The following ZFP37 variants were observed in gnomAD, a reference collection of about 807,000 sequenced individuals.
The protein encoded by ZFP37 is zinc finger protein 37 homolog.
ZFP37 carries 38 observed loss-of-function variants against 52.1 expected under a neutral mutation model. That is an observed-to-expected ratio of 0.73 (90% confidence interval 0.56 to 0.96). The LOEUF (loss-of-function observed/expected upper bound fraction) is 0.96. ZFP37 is among the 40% of genes least tolerant of loss of function. The pLI is 0.00. For missense variants in ZFP37, 695 were observed against 741.4 expected, an observed-to-expected ratio of 0.94 and a Z score of 0.73; for synonymous variants, 253 against 259.5, an observed-to-expected ratio of 0.98 and a Z score of 0.24.
rs1828823727 is a variant in ZFP37 at position 113,040,166 on chromosome 9, T to C, written c.*2559A>G. ...ATCAATGCTAACTTTTAATTCATTT[T>C]ATTACTGCACAAAGTGGCTTTCAGC... On this transcript the variant is annotated 3_prime_UTR_variant, in exon 4 of 4. Coordinates refer to ENST00000374227, the MANE Select transcript of ZFP37 (RefSeq NM_003408.3). 1 of 152,216 alleles carries C rather than the reference T, an allele frequency of 6.6e-6. No individual in the cohort carries two copies. The highest frequency in any genetic ancestry group is 2.4e-5 in the African/African-American group (1 of 41,468). 9.4% of individuals were successfully genotyped at this position (152,216 alleles called of 1,614,324 possible). A position where few individuals can be genotyped will look rare whatever the true frequency, so the allele number is the denominator to read the frequency against.
At position 113,049,350 on chromosome 9, in the gene ZFP37, G is replaced by C; in HGVS notation, c.349+12C>G. The C allele has an allele frequency of 1.2e-6, 2 of 1,611,078 alleles. No individual in the cohort carries two copies. The highest frequency in any genetic ancestry group is 2.2e-5 in the South Asian group (2 of 90,194). ...AAATTATTTGCTGAAAAATTTCAAAGTTACAACTTACTTCCATCAGTTTCT... is the reference window on the plus strand; with the variant it reads ...AAATTATTTGCTGAAAAATTTCAAACTTACAACTTACTTCCATCAGTTTCT... On this transcript the variant is annotated intron_variant, in intron 3 of 3. Transcript: ENST00000374227.
rs41306694 is a variant in ZFP37, at chr9:113,039,941, C to T, written c.*2784G>A. On this transcript the variant is annotated 3_prime_UTR_variant, in exon 4 of 4. Transcript: ENST00000374227. Reference sequence around the variant, plus strand: ...CTGGAAACTTATTAAAATGCAAATTCTCAAGGCCCACCCACAGGGTTTCTG... The same window carrying T: ...CTGGAAACTTATTAAAATGCAAATTTTCAAGGCCCACCCACAGGGTTTCTG... The T allele has an allele frequency of 6.6e-6, 1 of 152,300 alleles. No homozygotes were observed. The highest frequency in any genetic ancestry group is 1.5e-5 in the Non-Finnish European group (1 of 68,030). The allele number at this position is 152,300 out of a possible 1,614,324, so 9.4% of individuals were successfully genotyped here.
intron 1 of ZFP37, 54 bp from the exon 2 acceptor site, chr9:113,049,926 G>A: frequency 6.2e-7 from 1 of 1,611,056 alleles, no homozygotes; most frequent in Non-Finnish European, 8.5e-7. Context: ...ACCTGTGATA[G>A]CATATTCCTG....
In ZFP37 at chr9:113,043,045, C is replaced by T. The variant is rs766103887; in HGVS notation, c.1573G>A (p.Gly525Ser). 1.7e-5 allele frequency: 27 copies of T among 1,613,514 alleles called. No individual in the cohort carries two copies. The East Asian group carries it at 5.6e-4, about 33-fold the overall frequency. Residue 525 changes from glycine (G) to serine (S), a missense_variant, in exon 4 of 4, where the codon GGC (glycine) becomes AGC (serine). Coordinates refer to ENST00000374227, the MANE Select transcript of ZFP37 (RefSeq NM_003408.3). The stretch of plus-strand genomic sequence containing the variant: ...GTAAGGCCTTCAATTTGTTTAAAGC[C>T]TTTCCCACATTGATTACATTCAAAG... ...SPFECNQCGK[G>S]FKQIEGLTQH...
rs546416859 is a variant in ZFP37, at chr9:113,055,744, C to A, written c.132+813G>T. 3.0e-4 allele frequency among the ~76,000 whole-genome samples: 46 copies of A among 152,208 alleles called. 2 individuals are homozygous for A. The highest frequency in any genetic ancestry group is 3.4e-3 in the Middle Eastern group (1 of 294). ...CCTCCACAGATCTCCAATCACTGAC[C>A]ACCAAAGAACCCTCAATCATTAAAT... On this transcript the variant is annotated intron_variant, in intron 1 of 3. Transcript: ENST00000374227.
intron 3 of ZFP37, among the ~76,000 whole-genome samples, chr9:113,046,153 G>A (rs915780605): frequency 1.3e-5 from 2 of 149,714 alleles, no homozygotes; most frequent in African/African-American, 4.9e-5. Context: ...TATATATATA[G>A]ACAGATATAT....
At position 113,049,521 on chromosome 9, in the gene ZFP37, T is replaced by A. The variant is rs1227891432; in HGVS notation, c.215-25A>T. 4.4e-6 allele frequency: 7 copies of A among 1,603,642 alleles called. No individual in the cohort carries two copies. The Admixed American group carries it at 1.2e-4, about 27-fold the overall frequency. On this transcript the variant is annotated intron_variant, in intron 2 of 3. Coordinates refer to ENST00000374227, the MANE Select transcript of ZFP37 (RefSeq NM_003408.3). Reference sequence around the variant, plus strand: ...CCTGCTCATGAGAAATAGCAGAAACTGAGTGTTAGAACAACCATCCCAGAA... The same window carrying A: ...CCTGCTCATGAGAAATAGCAGAAACAGAGTGTTAGAACAACCATCCCAGAA...
intron 3 of ZFP37, among the ~76,000 whole-genome samples, chr9:113,047,709 G>T (rs986824840): frequency 2.0e-5 from 3 of 152,180 alleles, no homozygotes; most frequent in African/African-American, 4.8e-5. Flanking sequence ...TTGAGAAAAA[G>T]AACCAGAAAC....
Position 113,043,120 on chromosome 9 carries a change from G to A in ZFP37, c.1498C>T (p.His500Tyr). 1 of 1,613,618 alleles carries A rather than the reference G, an allele frequency of 6.2e-7. No individual in the cohort carries two copies. The highest frequency in any genetic ancestry group is 8.5e-7 in the Non-Finnish European group (1 of 1,179,942). ...KCNECGKAFG[H>Y]SSSLTYHMRT... ...ATATGGTAAGTAAGAGATGAGCTAT[G>A]TCCAAAGGCTTTTCCACACTCATTA... The change falls in exon 4 of 4, where the codon CAT (histidine) becomes TAT (tyrosine). Residue 500 changes from histidine (H) to tyrosine (Y), a missense_variant. Physicochemically the swap from His to Tyr is moderately conservative, Grantham distance 83. Around this residue, in one of 2 missense-constraint regions of ZFP37, gnomAD observed 326 missense variants for 400.5 expected, o/e 0.81. Coordinates refer to ENST00000374227, the MANE Select transcript of ZFP37 (RefSeq NM_003408.3).
chr9:113,050,899 A>C (rs1299309433), intron 1 of ZFP37, among the ~76,000 whole-genome samples: 2 of 152,036 alleles, frequency 1.3e-5, no homozygotes, highest in African/African-American at 4.8e-5. Flanking sequence ...TCTCAAAAAA[A>C]AAAAAAGTTA....
At chr9:113,046,219 T>TAGGC (rs2118696427) in intron 3 of ZFP37, among the ~76,000 whole-genome samples, 1 of 33,404 alleles carries the variant, frequency 3.0e-5, no homozygotes, top group East Asian at 1.8e-3. Context: ...TATCTATATA[T>TAGGC]AGACATATAT....
Position 113,049,828 on chromosome 9 carries a change from A to C in ZFP37, c.177T>G (p.Asp59Glu). ...GGTTGCAGTAGTTCTCCAGCATCAC[A>C]TCATTATACAGGTTGCTCTGAGCAG... is the stretch of plus-strand genomic sequence containing the variant. ...LDPAQSNLYN[D>E]VMLENYCNQA... The change falls in exon 2 of 4, where the codon GAT (aspartate) becomes GAG (glutamate). Residue 59 changes from aspartate to glutamate, a missense_variant. This residue lies in a region of ZFP37 where 369 missense variants were observed against 340.9 expected (regional missense o/e 1.08). Coordinates refer to ENST00000374227, the MANE Select transcript of ZFP37 (RefSeq NM_003408.3). 2 of 1,614,050 alleles carry C rather than the reference A, an allele frequency of 1.2e-6. No homozygotes were observed. The highest frequency in any genetic ancestry group is 8.5e-7 in the Non-Finnish European group (1 of 1,179,926).
In ZFP37 at chr9:113,052,495, A is replaced by G. The variant is rs117893102; in HGVS notation, c.133-2623T>C. Among the ~76,000 whole-genome samples, 592 of 152,300 alleles carry G rather than the reference A, an allele frequency of 3.9e-3. 23 individuals carry two copies. In the East Asian group the frequency reaches 0.1, roughly 27 times the overall value. ...ATTATTTATTGTAGCAAAAGTGTAC[A>G]AAGTCAGTTAATCAGCATGAGGTAA... On this transcript the variant is annotated intron_variant, in intron 1 of 3. Coordinates refer to ENST00000374227, the MANE Select transcript of ZFP37 (RefSeq NM_003408.3). This position sits in a 1 kb window ranked among gnomAD's most constrained non-coding sequence, Gnocchi z 4.1.
chr9:113,053,259 C>A (rs958450675), intron 1 of ZFP37, among the ~76,000 whole-genome samples: 1 of 152,196 alleles, frequency 6.6e-6, no homozygotes, highest in African/African-American at 2.4e-5. Flanking sequence ...CAATCTTCCA[C>A]CTTTACCTAG....
rs1445766442 is a variant in ZFP37, at chr9:113,043,893, C to T, written c.725G>A (p.Cys242Tyr). 2.5e-6 allele frequency: 4 copies of T among 1,613,912 alleles called. No homozygotes were observed. Among genetic ancestry groups the T allele is most frequent in the Non-Finnish European group, 2.5e-6 (3 of 1,179,940 alleles). The part of the protein sequence containing the change: ...KLSSHSSSDK[C>Y]NKTGKKHDKL... ...GTCATGTTTTTTGCCAGTTTTGTTA[C>T]ACTTATCAGATGAGCTATGGCTGGA... Residue 242 changes from cysteine (C) to tyrosine (Y), a missense_variant, in exon 4 of 4, where the codon TGT becomes TAT. Physicochemically the swap from Cys to Tyr is radical, Grantham distance 194. Around this residue, in one of 2 missense-constraint regions of ZFP37, gnomAD observed 369 missense variants for 340.9 expected, o/e 1.08. Coordinates refer to ENST00000374227, the MANE Select transcript of ZFP37 (RefSeq NM_003408.3).
At chr9:113,053,990 C>T (rs560316090) in intron 1 of ZFP37, among the ~76,000 whole-genome samples, 1 of 152,300 alleles carries the variant, frequency 6.6e-6, no homozygotes, top group Non-Finnish European at 1.5e-5. Flanking sequence ...TCCTATACAA[C>T]GTCCATTTCT....
chr9:113,049,870 T>C lies in ZFP37; in HGVS notation c.135A>G (p.Glu45=), dbSNP rs1023242348. ...AVSEPEASAA[E]WKQLDPAQSN... Reference sequence around the variant, plus strand: ...TCTGAGCAGGATCCAGTTGCTTCCATTCCTTCTGGGTAAAGGCCATAGTCA... The same window carrying C: ...TCTGAGCAGGATCCAGTTGCTTCCACTCCTTCTGGGTAAAGGCCATAGTCA... The change falls in exon 2 of 4, where the codon GAA becomes GAG. Residue 45 remains glutamate, a splice_region_variant and synonymous_variant. Transcript: ENST00000374227. 12 of 1,613,942 alleles carry C rather than the reference T, an allele frequency of 7.4e-6. No individual in the cohort carries two copies. The highest frequency in any genetic ancestry group is 1.0e-5 in the Non-Finnish European group (12 of 1,179,940).
In ZFP37 at chr9:113,052,082, C is replaced by T. The variant is rs1051876940; in HGVS notation, c.133-2210G>A. On this transcript the variant is annotated intron_variant, in intron 1 of 3. Coordinates refer to ENST00000374227, the MANE Select transcript of ZFP37 (RefSeq NM_003408.3). This position sits in a 1 kb window ranked among gnomAD's most constrained non-coding sequence, Gnocchi z 4.1. ...CCAAATCCCTCATCTTATCAATCCC[C>T]AATCACTAAACAGAATTCTCAAGCA... 1.3e-5 allele frequency among the ~76,000 whole-genome samples: 2 copies of T among 152,136 alleles called. No homozygotes were observed. The highest frequency in any genetic ancestry group is 2.9e-5 in the Non-Finnish European group (2 of 68,022).
In ZFP37 at chr9:113,042,659, A is replaced by C; in HGVS notation, c.*66T>G. 2 of 1,387,628 alleles carry C rather than the reference A, an allele frequency of 1.4e-6. No individual in the cohort carries two copies. The allele number at this position is 1,387,628 out of a possible 1,614,324, so 86.0% of individuals were successfully genotyped here. A position where few individuals can be genotyped will look rare whatever the true frequency, so the allele number is the denominator to read the frequency against. ...TGCTAAAGGCTTTCTAACACTCTTT[A>C]AAATCAGCATATTTCCAAGGTTCAA... On this transcript the variant is annotated 3_prime_UTR_variant, in exon 4 of 4. Transcript: ENST00000374227.
Sources: allele counts gnomAD v4.1 joint callset (sites outside exome capture counted in the v4.1 genomes callset), GRCh38; gene constraint gnomAD v4.1.1; regional missense constraint gnomAD v4.1.1; non-coding constraint Gnocchi (gnomAD v3.1); transcripts MANE v1.5; gene names NCBI Gene and HGNC (gene_info 2026-07-23, HGNC 2026-07-21).